The following BMP2K variants were observed in gnomAD, a reference collection of about 807,000 sequenced individuals.
BMP2K encodes the protein BMP-2-inducible protein kinase.
Under a neutral mutation model 116.0 loss-of-function variants are expected in BMP2K, and 74 were observed. That is an observed-to-expected ratio of 0.64 (90% CI 0.53 to 0.77). The LOEUF is 0.77. Ranked by LOEUF, BMP2K falls within the 30% of genes least tolerant of loss-of-function variation. BMP2K has a pLI of 0.00. For synonymous variants in BMP2K, 486 were observed against 502.5 expected (o/e 0.97, Z 0.44); for missense variants, 1,365 against 1,403.6 (o/e 0.97, Z 0.44).
intron 7 of BMP2K, among the ~76,000 whole-genome samples, chr4:78,854,564 C>T (rs993471380): frequency 6.6e-5 from 10 of 152,098 alleles, no homozygotes; most frequent in Non-Finnish European, 1.3e-4. Flanking sequence ...TGAGGCACTG[C>T]GCCCGGCCAT....
chr4:78,829,003 C>T (rs572725618), intron 2 of BMP2K, among the ~76,000 whole-genome samples: 20 of 152,198 alleles, frequency 1.3e-4, no homozygotes, highest in South Asian at 2.1e-4. Flanking sequence ...TGACCTTGAG[C>T]GGTAGGATAT....
chr4:78,808,545 C>T (rs1199112850), intron 1 of BMP2K, among the ~76,000 whole-genome samples: 14 of 152,122 alleles, frequency 9.2e-5, no homozygotes, highest in Non-Finnish European at 5.9e-5. Flanking sequence ...GGATTACAGG[C>T]GTGAGCCACC....
At chr4:78,830,654 G>C (rs924365945) in intron 2 of BMP2K, among the ~76,000 whole-genome samples, 1 of 152,228 alleles carries the variant, frequency 6.6e-6, no homozygotes, top group Admixed American at 6.5e-5. Context: ...ATAACTTGCT[G>C]CATTTCCTGC....
At chr4:78,889,012 G>A (rs578059294) in intron 15 of BMP2K, among the ~76,000 whole-genome samples, 61 of 152,254 alleles carry the variant, frequency 4.0e-4, no homozygotes, top group South Asian at 1.5e-3. Context: ...ATGAGGTCAG[G>A]AGATCAAGAC....
Position 78,887,246 on chromosome 4 carries a change from A to G in BMP2K, c.2024A>G (p.Glu675Gly), listed in dbSNP as rs200263125. 6.2e-4 allele frequency: 1,002 copies of G among 1,611,414 alleles called. 4 individuals carry two copies. In the Middle Eastern group the frequency reaches 6.4e-3, roughly 10 times the overall value. The change falls in exon 15 of 16, where the codon GAA becomes GGA. Residue 675 changes from glutamate (E) to glycine (G), a missense_variant. Physicochemically the swap from Glu to Gly is moderately conservative, Grantham distance 98. Transcript: ENST00000502613. Reference sequence around the variant, plus strand: ...TCTGCTCCACATAACCATCCTCCAGAAGATCCTTTTGGTTCTGTTCCTTTC... The same window carrying G: ...TCTGCTCCACATAACCATCCTCCAGGAGATCCTTTTGGTTCTGTTCCTTTC... Reference protein sequence around the residue: ...SLSAPHNHPPEDPFGSVPFIS... With the variant: ...SLSAPHNHPPGDPFGSVPFIS...
chr4:78,832,798 C>CATT (rs1349822748), intron 2 of BMP2K, among the ~76,000 whole-genome samples: 1 of 152,008 alleles, frequency 6.6e-6, no homozygotes, highest in East Asian at 1.9e-4. Flanking sequence ...GATTCATCCC[C>CATT]ATTATATATA....
intron 7 of BMP2K, among the ~76,000 whole-genome samples, chr4:78,853,327 A>T (rs1051985611): frequency 6.6e-5 from 10 of 152,154 alleles, no homozygotes; most frequent in Non-Finnish European, 1.3e-4. Flanking sequence ...TTTACTCTTC[A>T]TAAACCTATT....
chr4:78,803,242 A>G (rs1728658818), intron 1 of BMP2K, among the ~76,000 whole-genome samples: 1 of 151,814 alleles, frequency 6.6e-6, no homozygotes, highest in African/African-American at 2.4e-5. Flanking sequence ...AAATATATAT[A>G]CCCCCCTCCT....
chr4:78,877,909 A>G (rs1443571330), intron 13 of BMP2K, among the ~76,000 whole-genome samples: 1 of 152,104 alleles, frequency 6.6e-6, no homozygotes, highest in Non-Finnish European at 1.5e-5. Flanking sequence ...CATCATATGT[A>G]TGGTCCATTG....
chr4:78,777,563 T>G (rs1355927671), intron 1 of BMP2K, among the ~76,000 whole-genome samples: 1 of 152,256 alleles, frequency 6.6e-6, no homozygotes, highest in East Asian at 1.9e-4. Flanking sequence ...TAGAAAATAC[T>G]TGCCCTGTGT....
intron 3 of BMP2K, among the ~76,000 whole-genome samples, chr4:78,839,362 C>T (rs1730644059): frequency 1.3e-5 from 2 of 152,292 alleles, no homozygotes; most frequent in East Asian, 1.9e-4. Flanking sequence ...AAGGCCTAGT[C>T]TTGGGACTAG....
intron 15 of BMP2K, among the ~76,000 whole-genome samples, chr4:78,889,615 A>T (rs927076223): frequency 3.3e-5 from 5 of 152,224 alleles, no homozygotes; most frequent in African/African-American, 9.6e-5. Context: ...AGCTTTAGGA[A>T]AAAGTTGGAC....
In BMP2K at chr4:78,915,304, G is replaced by C. The variant is rs528261900; in HGVS notation, c.*3271G>C. 1 of 152,114 alleles carries C rather than the reference G, an allele frequency of 6.6e-6. No homozygotes were observed. Among genetic ancestry groups the C allele is most frequent in the Non-Finnish European group, 1.5e-5 (1 of 67,928 alleles). The allele number at this position is 152,114 out of a possible 1,614,324, so 9.4% of individuals were successfully genotyped here. ...CTTCTATGCTGAAGTTCACCAGGCA[G>C]AGCAGTTTTCTTACAAGTCAGCTAC... On this transcript the variant is annotated 3_prime_UTR_variant, in exon 16 of 16. Transcript: ENST00000502613.
rs181277502 is a variant in BMP2K, at chr4:78,863,300, T to C, written c.1067+1832T>C. 4.1e-3 allele frequency among the ~76,000 whole-genome samples: 620 copies of C among 152,224 alleles called. 2 individuals are homozygous for C. Among genetic ancestry groups the C allele is most frequent in the African/African-American group, 0.014 (587 of 41,550 alleles). ...GCTTAATATTAAAAAATTTAGTTTT[T>C]TCCATGTAAAGAGCACATTTTGGGA... On this transcript the variant is annotated intron_variant, in intron 9 of 15. Transcript: ENST00000502613.
intron 13 of BMP2K, among the ~76,000 whole-genome samples, chr4:78,877,311 T>A (rs1335719989): frequency 1.3e-5 from 2 of 152,218 alleles, no homozygotes; most frequent in Non-Finnish European, 2.9e-5. Flanking sequence ...AAAAACATTT[T>A]GACTCTTTGG....
At chr4:78,844,235 A>C (rs1004770086) in intron 4 of BMP2K, among the ~76,000 whole-genome samples, 1 of 151,690 alleles carries the variant, frequency 6.6e-6, no homozygotes, top group South Asian at 2.1e-4. Context: ...CATTTTACGT[A>C]AGGAAACTAA....
intron 3 of BMP2K, among the ~76,000 whole-genome samples, chr4:78,840,565 A>G (rs1241943073): frequency 6.6e-6 from 1 of 152,112 alleles, no homozygotes; most frequent in Non-Finnish European, 1.5e-5. Context: ...GGGGTATCTC[A>G]TTTTAAAAAA....
chr4:78,782,215 T>A (rs1727536397), intron 1 of BMP2K, among the ~76,000 whole-genome samples: 1 of 152,214 alleles, frequency 6.6e-6, no homozygotes, highest in African/African-American at 2.4e-5. Flanking sequence ...CTCCTTTCTG[T>A]GGACACTTGT....
At chr4:78,806,827 GATCTT>G (rs948120127) in intron 1 of BMP2K, among the ~76,000 whole-genome samples, 4 of 150,066 alleles carry the variant, frequency 2.7e-5, no homozygotes, top group African/African-American at 7.4e-5. Context: ...AGTGGTGGTG[GATCTT>G]ATCTTTTCTT....
Sources: gnomAD v4.1 joint callset for allele counts (sites outside exome capture counted in the v4.1 genomes callset) on GRCh38, gnomAD v4.1.1 for gene constraint, MANE v1.5 for transcripts, NCBI Gene and HGNC (gene_info 2026-07-23, HGNC 2026-07-21) for gene names.